Variants in CSMD3 observed in about 807,000 individuals in gnomAD.
CSMD3 encodes CUB and Sushi multiple domains 3.
Under a neutral mutation model 435.2 loss-of-function variants are expected in CSMD3, and 177 were observed. That is an observed-to-expected ratio of 0.41 (90% CI 0.36 to 0.46). The LOEUF (loss-of-function observed/expected upper bound fraction) is 0.46, where lower values mean the gene tolerates loss of function less well. Among genes scored for constraint, CSMD3 ranks in the 20% least tolerant of loss-of-function variants. The pLI is 0.34. For synonymous variants in CSMD3, 1,656 were observed against 1,520.5 expected (o/e 1.09, Z -2.07); for missense variants, 4,265 against 4,504.6 (o/e 0.95, Z 1.52).
At chr8:112,389,485 A>G (rs536410233) in intron 36 of CSMD3, among the ~76,000 whole-genome samples, 35 of 152,198 alleles carry the variant, frequency 2.3e-4, no homozygotes, top group Non-Finnish European at 4.1e-4. Context: ...GTATGCATCT[A>G]TAATCTTTGG....
intron 17 of CSMD3, among the ~76,000 whole-genome samples, chr8:112,662,747 T>C (rs1446782816): frequency 6.6e-6 from 1 of 151,976 alleles, no homozygotes; most frequent in Non-Finnish European, 1.5e-5. Context: ...ACCTACAGAA[T>C]GGGAGAAAAT....
intron 3 of CSMD3, among the ~76,000 whole-genome samples, chr8:113,266,974 C>T (rs1031638088): frequency 1.4e-4 from 21 of 151,496 alleles, no homozygotes; most frequent in African/African-American, 4.8e-4. Flanking sequence ...AGAAGACATA[C>T]AAACTGCTAA....
At chr8:112,823,268 C>A (rs1427567316) in intron 12 of CSMD3, among the ~76,000 whole-genome samples, 1 of 152,114 alleles carries the variant, frequency 6.6e-6, no homozygotes, top group Non-Finnish European at 1.5e-5. Context: ...TGGTCCTGGG[C>A]TTTTTCTGGT....
At chr8:112,599,284 G>T (rs1227934111) in intron 22 of CSMD3, among the ~76,000 whole-genome samples, 2 of 151,526 alleles carry the variant, frequency 1.3e-5, no homozygotes, top group Non-Finnish European at 2.9e-5. Flanking sequence ...ATCACCACTG[G>T]CCATCAGAGA....
chr8:112,656,292 T>A lies in CSMD3; in HGVS notation c.2866A>T (p.Asn956Tyr), dbSNP rs2075256017. Residue 956 changes from asparagine to tyrosine, a missense_variant, in exon 18 of 71, where the codon AAT becomes TAT. Around this residue, in one of 3 missense-constraint regions of CSMD3, gnomAD observed 3,255 missense variants for 3,380.2 expected, o/e 0.96. Coordinates refer to ENST00000297405, the MANE Select transcript of CSMD3 (RefSeq NM_198123.2). ...YDVLEVHDGP[N>Y]LLSPLLGSYN... ...GATCCAAGCAAGGGTGACAGAAGAT[T>A]TGGCCCATCATGAACTTCCAGAACA... 1 of 1,613,634 alleles carries A rather than the reference T, an allele frequency of 6.2e-7. No individual in the cohort carries two copies. The highest frequency in any genetic ancestry group is 2.2e-5 in the East Asian group (1 of 44,782).
At chr8:112,431,745 T>C (rs562084840) in intron 32 of CSMD3, among the ~76,000 whole-genome samples, 17 of 152,328 alleles carry the variant, frequency 1.1e-4, no homozygotes, top group African/African-American at 4.1e-4. Context: ...TACAGCTACA[T>C]ACTCCTTTTT....
At chr8:112,912,867 G>A (rs1346677884) in intron 10 of CSMD3, among the ~76,000 whole-genome samples, 1 of 151,894 alleles carries the variant, frequency 6.6e-6, no homozygotes, top group East Asian at 1.9e-4. Flanking sequence ...CATCTTAATG[G>A]CAAGAAAACA....
At chr8:112,641,601 C>G (rs1586868379) in intron 20 of CSMD3, among the ~76,000 whole-genome samples, 1 of 152,068 alleles carries the variant, frequency 6.6e-6, no homozygotes, top group African/African-American at 2.4e-5. Flanking sequence ...CTTTGGGAGG[C>G]CTAGACGGGT....
chr8:113,227,108 A>G (rs1025288255), intron 3 of CSMD3, among the ~76,000 whole-genome samples: 4 of 148,362 alleles, frequency 2.7e-5, no homozygotes, highest in African/African-American at 4.9e-5. Flanking sequence ...ACTTTCCACA[A>G]CAATATTCTT....
chr8:113,209,632 C>T lies in CSMD3; in HGVS notation c.515-35716G>A, dbSNP rs182674160. On this transcript the variant is annotated intron_variant, in intron 3 of 70. Transcript: ENST00000297405. ...AGGATTAGCTGGAGTGGGGAGAAAA[C>T]GAAATACGTGAGATTTCCGGTATTT... is the stretch of plus-strand genomic sequence containing the variant. Among the ~76,000 whole-genome samples, 477 of 152,102 alleles carry T rather than the reference C, an allele frequency of 3.1e-3. 2 individuals carry two copies. Among genetic ancestry groups the T allele is most frequent in the African/African-American group, 9.6e-3 (398 of 41,528 alleles).
rs567773669 is a variant in CSMD3 at position 113,018,219 on chromosome 8, C to G, written c.1030+848G>C. ...AGAGAGGTTACTGGTTTTCAAAATACAAATTAATTGTTGAATTTTGTATTC... is the reference window on the plus strand; with the variant it reads ...AGAGAGGTTACTGGTTTTCAAAATAGAAATTAATTGTTGAATTTTGTATTC... On this transcript the variant is annotated intron_variant, in intron 6 of 70. Coordinates refer to ENST00000297405, the MANE Select transcript of CSMD3 (RefSeq NM_198123.2). Among the ~76,000 whole-genome samples the G allele has an allele frequency of 7.9e-5, 12 of 152,000 alleles. No individual in the cohort carries two copies. The South Asian group carries it at 2.1e-3, about 26-fold the overall frequency.
intron 5 of CSMD3, among the ~76,000 whole-genome samples, chr8:113,081,654 C>T (rs1253982542): frequency 1.3e-5 from 2 of 152,086 alleles, no homozygotes; most frequent in Non-Finnish European, 2.9e-5. Context: ...GCAGAGCCAC[C>T]ATCACACTAC....
At chr8:112,893,423 C>T (rs1296143667) in intron 10 of CSMD3, among the ~76,000 whole-genome samples, 1 of 151,338 alleles carries the variant, frequency 6.6e-6, no homozygotes, top group African/African-American at 2.4e-5. Context: ...AACAATAATG[C>T]AATTAAATTA....
In CSMD3 at chr8:112,986,769, C is replaced by T. The variant is rs973931815; in HGVS notation, c.1031-10621G>A. Among the ~76,000 whole-genome samples, 12 of 151,830 alleles carry T rather than the reference C, an allele frequency of 7.9e-5. No homozygotes were observed. In the East Asian group the frequency reaches 9.7e-4, roughly 12 times the overall value. On this transcript the variant is annotated intron_variant, in intron 6 of 70. Transcript: ENST00000297405. ...TGCTCTTTGAATTATATACAGACACCGTAAGTGGCAACAAAAACTGAATAT... is the reference window on the plus strand; with the variant it reads ...TGCTCTTTGAATTATATACAGACACTGTAAGTGGCAACAAAAACTGAATAT...
chr8:112,710,880 C>T (rs2076596229), intron 13 of CSMD3, among the ~76,000 whole-genome samples: 1 of 151,200 alleles, frequency 6.6e-6, no homozygotes, highest in African/African-American at 2.4e-5. Context: ...ATTTCTGCTT[C>T]CCTTTCTGGT....
At chr8:112,525,874 T>A (rs913338106) in intron 27 of CSMD3, among the ~76,000 whole-genome samples, 6 of 143,166 alleles carry the variant, frequency 4.2e-5, no homozygotes, top group Admixed American at 7.1e-5. Flanking sequence ...TTTTTGTTTT[T>A]TATATATATA....
intron 32 of CSMD3, among the ~76,000 whole-genome samples, chr8:112,422,206 G>A (rs1337444872): frequency 6.6e-6 from 1 of 151,904 alleles, no homozygotes; most frequent in Admixed American, 6.6e-5. Flanking sequence ...TTATTTTAAG[G>A]ATATTTTGCT....
chr8:112,458,307 T>TTTCAAAA (rs1817071336), intron 32 of CSMD3, among the ~76,000 whole-genome samples: 1 of 150,024 alleles, frequency 6.7e-6, no homozygotes, highest in African/African-American at 2.5e-5. Flanking sequence ...GCCTAAAATA[T>TTTCAAAA]TTTTTAAACC....
chr8:113,194,178 C>G (rs1359388846), intron 3 of CSMD3, among the ~76,000 whole-genome samples: 1 of 151,290 alleles, frequency 6.6e-6, no homozygotes, highest in Non-Finnish European at 1.5e-5. Flanking sequence ...CACTGCCATG[C>G]TGCCTTTAAG....
Sources: allele counts gnomAD v4.1 joint callset (sites outside exome capture counted in the v4.1 genomes callset), GRCh38; gene constraint gnomAD v4.1.1; regional missense constraint gnomAD v4.1.1; transcripts MANE v1.5; gene names NCBI Gene and HGNC (gene_info 2026-07-23, HGNC 2026-07-21).